TG: variants seen among roughly 807,000 people sequenced by gnomAD.
The protein encoded by TG is thyroglobulin.
Under a neutral mutation model 324.7 loss-of-function variants are expected in TG, and 270 were observed. The observed-to-expected ratio is 0.83, with a 90% confidence interval of 0.75 to 0.92. The LOEUF (loss-of-function observed/expected upper bound fraction) is 0.92, where lower values mean the gene tolerates loss of function less well. Among genes scored for constraint, TG ranks in the 40% least tolerant of loss-of-function variants. TG has a pLI of 0.00. For missense variants in TG, 3,591 were observed against 3,456.4 expected, an observed-to-expected ratio of 1.04 and a Z score of -0.98; for synonymous variants, 1,401 against 1,327.0, an observed-to-expected ratio of 1.06 and a Z score of -1.21.
intron 43 of TG, among the ~76,000 whole-genome samples, chr8:133,112,576 G>C (rs1008946368): frequency 1.3e-5 from 2 of 151,856 alleles, no homozygotes; most frequent in Non-Finnish European, 2.9e-5. Context: ...GGGAGAGAAG[G>C]GGAGGGGAAG....
At chr8:132,983,306 C>A (rs1831122485) in intron 34 of TG, 44 bp from the exon 35 acceptor site, 1 of 1,595,560 alleles carries the variant, frequency 6.3e-7, no homozygotes, top group Non-Finnish European at 8.6e-7. Context: ...TCGATGATAC[C>A]ATGGGGGTAG....
At chr8:132,921,041 G>C (rs1187165240) in intron 21 of TG, among the ~76,000 whole-genome samples, 1 of 152,208 alleles carries the variant, frequency 6.6e-6, no homozygotes, top group Non-Finnish European at 1.5e-5. Context: ...TCTTTGCTTA[G>C]TACCTACACA....
intron 23 of TG, among the ~76,000 whole-genome samples, chr8:132,932,867 T>C (rs1009010443): frequency 2.0e-5 from 3 of 152,236 alleles, no homozygotes; most frequent in Admixed American, 6.5e-5. Context: ...GTGATCTCAA[T>C]GGATACCTAG....
Position 132,983,335 on chromosome 8 carries a change from C to A in TG, c.6200-15C>A. On this transcript the variant is annotated splice_polypyrimidine_tract_variant and intron_variant, in intron 34 of 47. Transcript: ENST00000220616. Reference sequence around the variant, plus strand: ...GGGGTAGAAAAGAACTGAAAGACTGCTTTTTCCTTTTCAGTTGCTCAAAAT... The same window carrying A: ...GGGGTAGAAAAGAACTGAAAGACTGATTTTTCCTTTTCAGTTGCTCAAAAT... 1 of 1,613,978 alleles carries A rather than the reference C, an allele frequency of 6.2e-7. No homozygotes were observed. The highest frequency in any genetic ancestry group is 8.5e-7 in the Non-Finnish European group (1 of 1,179,858).
At chr8:133,070,302 G>A (rs897458577) in intron 41 of TG, among the ~76,000 whole-genome samples, 3 of 152,142 alleles carry the variant, frequency 2.0e-5, no homozygotes, top group East Asian at 1.9e-4. Flanking sequence ...CCACTGGAGC[G>A]AACCGACTCT....
At chr8:133,028,266 C>G (rs1325608134) in intron 40 of TG, among the ~76,000 whole-genome samples, 1 of 152,198 alleles carries the variant, frequency 6.6e-6, no homozygotes, top group Non-Finnish European at 1.5e-5. Flanking sequence ...TTGGAGGAAA[C>G]AAACACATTC....
Position 133,133,566 on chromosome 8 carries a change from G to A in TG, c.8094G>A (p.Lys2698=). 6.2e-7 allele frequency: 1 copy of A among 1,614,188 alleles called. No homozygotes were observed. Among genetic ancestry groups the A allele is most frequent in the Non-Finnish European group, 8.5e-7 (1 of 1,180,036 alleles). The change falls in exon 47 of 48, where the codon AAG becomes AAA. Residue 2698 remains lysine, a synonymous_variant. Coordinates refer to ENST00000220616, the MANE Select transcript of TG (RefSeq NM_003235.5). ...FVPRAGGENY[K]EFSELLPNRQ... is the part of the protein sequence containing the mutation. ...CCCGTGCTGGTGGAGAGAACTACAAGGAGTTCAGTGAGCTGCTCCCCAATC... is the reference window on the plus strand; with the variant it reads ...CCCGTGCTGGTGGAGAGAACTACAAAGAGTTCAGTGAGCTGCTCCCCAATC...
At chr8:133,051,060 G>A in intron 41 of TG, 3 of 620,050 alleles carry the variant, frequency 4.8e-6, no homozygotes, top group Admixed American at 5.4e-5. Context: ...TTTACAGCAA[G>A]GTCCTCTCTT....
chr8:133,091,746 ATTTC>A (rs1847578992), intron 41 of TG, among the ~76,000 whole-genome samples: 1 of 150,392 alleles, frequency 6.6e-6, no homozygotes, highest in Non-Finnish European at 1.5e-5. Context: ...GTGGGTGTAT[ATTTC>A]TTTCTGTAGC....
chr8:132,904,125 C>A (rs577801641), intron 16 of TG, among the ~76,000 whole-genome samples: 4 of 152,164 alleles, frequency 2.6e-5, no homozygotes, highest in Admixed American at 6.5e-5. Context: ...GTTAAGCTCT[C>A]TAGGCTTCAG....
intron 18 of TG, among the ~76,000 whole-genome samples, chr8:132,908,546 T>G (rs562328104): frequency 7.8e-4 from 109 of 140,124 alleles, no homozygotes; most frequent in Non-Finnish European, 6.8e-4. Flanking sequence ...CCCAGGGGTC[T>G]GGCCTTAAGC....
chr8:133,000,313 C>A (rs897490567), intron 35 of TG, among the ~76,000 whole-genome samples: 1 of 152,170 alleles, frequency 6.6e-6, no homozygotes. Flanking sequence ...GAAGATGGGA[C>A]CAACCCTAGC....
intron 20 of TG, among the ~76,000 whole-genome samples, chr8:132,916,026 G>T (rs1043157730): frequency 2.0e-5 from 3 of 152,144 alleles, no homozygotes; most frequent in African/African-American, 7.2e-5. Context: ...ACTGTCCAGA[G>T]ACTCAGGTGT....
In TG at chr8:132,882,885, C is replaced by T. The variant is rs779043995; in HGVS notation, c.961C>T (p.Arg321Ter). ...FGHPYVPSCR[R>*]NGDYQAVQCQ... ...TCACCCCTATGTTCCAAGCTGCCGC[C>T]GAAATGGCGACTATCAGGCGGTGCA... The change falls in exon 8 of 48, where the codon CGA becomes TGA. Residue 321 changes from arginine (R) to a stop codon, truncating the protein, a stop_gained. Transcript: ENST00000220616. LOFTEE classifies it high-confidence loss of function. The T allele has an allele frequency of 1.9e-6, 3 of 1,614,210 alleles. No homozygotes were observed. Among genetic ancestry groups the T allele is most frequent in the East Asian group, 2.2e-5 (1 of 44,874 alleles).
At chr8:132,895,079 T>A (rs1816903873) in intron 11 of TG, among the ~76,000 whole-genome samples, 1 of 152,244 alleles carries the variant, frequency 6.6e-6, no homozygotes, top group South Asian at 2.1e-4. Context: ...TTGTTCTTCC[T>A]CCATAACCTC....
In TG at chr8:133,088,119, C is replaced by T. The variant is rs148349103; in HGVS notation, c.7240-6925C>T. Among the ~76,000 whole-genome samples the T allele has an allele frequency of 1.3e-4, 20 of 152,274 alleles. No individual in the cohort carries two copies. In the East Asian group the frequency reaches 2.3e-3, roughly 18 times the overall value. On this transcript the variant is annotated intron_variant, in intron 41 of 47. Coordinates refer to ENST00000220616, the MANE Select transcript of TG (RefSeq NM_003235.5). The stretch of plus-strand genomic sequence containing the variant: ...GCTCTGTCTTAAGCAGAATGCAGCA[C>T]GGTTGTACATGTGAATCAAAGCAAC...
chr8:133,131,603 T>A (rs1182042811), intron 45 of TG, among the ~76,000 whole-genome samples: 1 of 152,190 alleles, frequency 6.6e-6, no homozygotes, highest in African/African-American at 2.4e-5. Context: ...GCAACAGACA[T>A]GCCATGGATC....
At chr8:132,993,180 A>G (rs1037178180) in intron 35 of TG, among the ~76,000 whole-genome samples, 1 of 152,272 alleles carries the variant, frequency 6.6e-6, no homozygotes, top group Non-Finnish European at 1.5e-5. Flanking sequence ...AATAATAGAT[A>G]TAAGTCTCCA....
At chr8:132,973,254 T>A (rs1829771273) in intron 34 of TG, among the ~76,000 whole-genome samples, 1 of 152,178 alleles carries the variant, frequency 6.6e-6, no homozygotes, top group Non-Finnish European at 1.5e-5. Context: ...CTCTGGCACA[T>A]TTCCTTGGTT....
Sources: gnomAD v4.1 joint callset for allele counts (sites outside exome capture counted in the v4.1 genomes callset) on GRCh38, gnomAD v4.1.1 for gene constraint, MANE v1.5 for transcripts, NCBI Gene and HGNC (gene_info 2026-07-23, HGNC 2026-07-21) for gene names.